The following TLE4 variants were observed in gnomAD, a reference collection of about 807,000 sequenced individuals.
TLE4 encodes transducin-like enhancer protein 4.
A neutral mutation model predicts 92.8 loss-of-function variants in TLE4; 8 were observed. The observed-to-expected ratio is 0.09, with a 90% CI of 0.05 to 0.16. The LOEUF is 0.16. Among genes scored for constraint, TLE4 ranks in the 10% least tolerant of loss-of-function variants. The pLI is 1.00. For missense variants in TLE4, 675 were observed against 997.6 expected (o/e 0.68, Z 4.36); for synonymous variants, 371 against 374.1 (o/e 0.99, Z 0.10).
intron 8 of TLE4, among the ~76,000 whole-genome samples, chr9:79,684,313 C>T (rs1018456114): frequency 2.0e-5 from 3 of 152,146 alleles, no homozygotes; most frequent in African/African-American, 7.2e-5. Context: ...AACCCCAGGC[C>T]ATAGACCGGT....
chr9:79,595,885 C>T (rs189281043), intron 4 of TLE4, among the ~76,000 whole-genome samples: 1 of 146,170 alleles, frequency 6.8e-6, no homozygotes, highest in Admixed American at 6.9e-5. Flanking sequence ...GTCTTGCTGT[C>T]ACCCAGGCTG....
chr9:79,584,477 T>C (rs1455617172), intron 4 of TLE4, among the ~76,000 whole-genome samples: 1 of 152,230 alleles, frequency 6.6e-6, no homozygotes, highest in Non-Finnish European at 1.5e-5. Flanking sequence ...CTGTGTTAGA[T>C]ACTTACCTGT....
intron 8 of TLE4, among the ~76,000 whole-genome samples, chr9:79,689,581 G>A (rs554871409): frequency 9.2e-5 from 14 of 152,256 alleles, no homozygotes; most frequent in African/African-American, 2.9e-4. Flanking sequence ...TCAGAAGTGC[G>A]TAAAGAGCAT....
chr9:79,667,309 A>T (rs542930864), intron 8 of TLE4, among the ~76,000 whole-genome samples: 23 of 152,254 alleles, frequency 1.5e-4, no homozygotes, highest in Admixed American at 1.3e-3. Context: ...CAGCCAACTG[A>T]GGGCCAGGGC....
At chr9:79,675,906 T>C (rs185506728) in intron 8 of TLE4, among the ~76,000 whole-genome samples, 24 of 152,250 alleles carry the variant, frequency 1.6e-4, no homozygotes. Flanking sequence ...GCATCCAAAA[T>C]CTGAAAAATC....
intron 16 of TLE4, 84 bp from the exon 17 acceptor site, chr9:79,721,657 A>C: frequency 6.3e-7 from 1 of 1,578,658 alleles, no homozygotes; most frequent in East Asian, 2.3e-5. Context: ...GCCTGCATTG[A>C]AATTGAATCA....
Position 79,658,179 on chromosome 9 carries a change from C to T in TLE4, c.609+4104C>T, listed in dbSNP as rs185448890. On this transcript the variant is annotated intron_variant, in intron 8 of 19. Transcript: ENST00000376552. The stretch of plus-strand genomic sequence containing the variant: ...GACTTGTGCAGTGCCAAATTGATCT[C>T]CTAAAACCCTGTACTAATTTAAAAT... 1.3e-3 allele frequency among the ~76,000 whole-genome samples: 201 copies of T among 152,240 alleles called. 3 individuals carry two copies. The highest frequency in any genetic ancestry group is 6.2e-3 in the Admixed American group (95 of 15,288).
intron 8 of TLE4, 140 bp from the exon 9 acceptor site, chr9:79,704,643 G>C: frequency 9.2e-7 from 1 of 1,089,644 alleles, no homozygotes; most frequent in South Asian, 2.0e-5. Context: ...CGTCTCCTCC[G>C]CTTTCTCCTA....
chr9:79,669,820 TA>T (rs1255412415), intron 8 of TLE4, among the ~76,000 whole-genome samples: 2 of 152,212 alleles, frequency 1.3e-5, no homozygotes, highest in African/African-American at 4.8e-5. Flanking sequence ...TGCAGCATCT[TA>T]ATCCTAGAGA....
chr9:79,720,028 T>G lies in TLE4; in HGVS notation c.1591-18T>G. 2 of 1,586,614 alleles carry G rather than the reference T, an allele frequency of 1.3e-6. No homozygotes were observed. Among genetic ancestry groups the G allele is most frequent in the Non-Finnish European group, 1.7e-6 (2 of 1,159,564 alleles). ...CCTTTCCTCATGAGTAATCTCTTGA[T>G]GGTTTTTGTCTCTACAGAACAGGGA... On this transcript the variant is annotated intron_variant, in intron 15 of 19. Coordinates refer to ENST00000376552, the MANE Select transcript of TLE4 (RefSeq NM_007005.6).
At position 79,720,091 on chromosome 9, in the gene TLE4, C is replaced by T. The variant is rs140356709; in HGVS notation, c.1636C>T (p.Arg546Cys). 37 of 1,613,810 alleles carry T rather than the reference C, an allele frequency of 2.3e-5. No individual in the cohort carries two copies. Among genetic ancestry groups the T allele is most frequent in the Non-Finnish European group, 2.9e-5 (34 of 1,179,890 alleles). ...TTCCTGCAGATTGCTCCCTGATGGT[C>T]GCACCCTAATTGTTGGAGGGGAAGC... The part of the protein sequence containing the change: ...IRSCRLLPDG[R>C]TLIVGGEAST... The change falls in exon 16 of 20, where the codon CGC becomes TGC. Residue 546 changes from arginine (R) to cysteine (C), a missense_variant. Transcript: ENST00000376552.
chr9:79,699,468 G>C, intron 8 of TLE4, among the ~76,000 whole-genome samples: 1 of 152,166 alleles, frequency 6.6e-6, no homozygotes, highest in East Asian at 1.9e-4. Flanking sequence ...GGGAAGTCTG[G>C]ACAACAGGTG....
chr9:79,595,880 G>C (rs1262102229), intron 4 of TLE4, among the ~76,000 whole-genome samples: 1 of 128,202 alleles, frequency 7.8e-6, no homozygotes, highest in Non-Finnish European at 1.6e-5. Flanking sequence ...ACGGAGTCTT[G>C]CTGTCACCCA....
intron 7 of TLE4, 82 bp downstream of exon 7, chr9:79,652,876 T>C (rs752531340): frequency 1.4e-6 from 2 of 1,433,548 alleles, no homozygotes; most frequent in African/African-American, 2.8e-5. Flanking sequence ...GTTTATTCTC[T>C]CTGAATTTAG....
At chr9:79,706,568 T>G (rs974366332) in intron 10 of TLE4, among the ~76,000 whole-genome samples, 179 bp from the exon 11 acceptor site, 2 of 152,170 alleles carry the variant, frequency 1.3e-5, no homozygotes, top group Admixed American at 6.5e-5. Flanking sequence ...ACTATAATTT[T>G]GGGGCCCTCA....
intron 6 of TLE4, among the ~76,000 whole-genome samples, chr9:79,628,108 A>G (rs1482705345): frequency 6.6e-6 from 1 of 152,056 alleles, no homozygotes; most frequent in Non-Finnish European, 1.5e-5. Context: ...TTAATGTAAC[A>G]GGCAATAAAA....
chr9:79,707,897 C>G (rs2072131520), intron 11 of TLE4, among the ~76,000 whole-genome samples: 1 of 152,214 alleles, frequency 6.6e-6, no homozygotes, highest in Non-Finnish European at 1.5e-5. Flanking sequence ...CTGCTCTCCT[C>G]TAAATTCAGC....
At chr9:79,680,838 C>T (rs188306946) in intron 8 of TLE4, among the ~76,000 whole-genome samples, 2 of 152,138 alleles carry the variant, frequency 1.3e-5, no homozygotes, top group Admixed American at 1.3e-4. Flanking sequence ...TAGCATGAAG[C>T]GTTGTTGAAT....
chr9:79,606,003 C>A (rs2046757671), intron 4 of TLE4, among the ~76,000 whole-genome samples: 1 of 151,834 alleles, frequency 6.6e-6, no homozygotes, highest in African/African-American at 2.4e-5. Flanking sequence ...TAAGATGATA[C>A]AAATTAACTA....
Sources: allele counts gnomAD v4.1 joint callset (sites outside exome capture counted in the v4.1 genomes callset), GRCh38; gene constraint gnomAD v4.1.1; transcripts MANE v1.5; gene names NCBI Gene and HGNC (gene_info 2026-07-23, HGNC 2026-07-21).